PCDHA7: variants seen among roughly 807,000 people sequenced by gnomAD.
PCDHA7 encodes protocadherin alpha-7.
In PCDHA7, 37 loss-of-function variants were observed where a neutral mutation model predicts 57.2. The ratio of observed to expected loss-of-function variants is 0.65; its 90% CI spans 0.50 to 0.85. The LOEUF (loss-of-function observed/expected upper bound fraction) is 0.85, where lower values mean the gene tolerates loss of function less well. PCDHA7 is among the 40% of genes least tolerant of loss of function. The pLI is 0.00. For missense variants in PCDHA7, 1,188 were observed against 1,241.8 expected (o/e 0.96, Z 0.65); for synonymous variants, 553 against 558.8 (o/e 0.99, Z 0.15).
At chr5:140,867,360 T>C (rs1172405251) in intron 1 of PCDHA7, 1 of 152,152 alleles carries the variant, frequency 6.6e-6, no homozygotes, top group Non-Finnish European at 1.5e-5. Flanking sequence ...TTGATTATTT[T>C]ACAGATGCGT....
chr5:140,980,102 C>A (rs782586995), intron 2 of PCDHA7, among the ~76,000 whole-genome samples: 1 of 152,192 alleles, frequency 6.6e-6, no homozygotes, highest in Non-Finnish European at 1.5e-5. Flanking sequence ...GGTAAGATGT[C>A]ACATTGGAAC....
chr5:140,841,832 A>C lies in PCDHA7; in HGVS notation c.2355+5094A>C, dbSNP rs2150323829. The C allele has an allele frequency of 3.7e-6, 6 of 1,613,806 alleles. No homozygotes were observed. The South Asian group carries it at 5.5e-5, about 15-fold the overall frequency. ...TGGAGCTAACTCCGTGTTAACCTAC[A>C]GGCTTAGCTCTCATGATTACTTCAT... is the stretch of plus-strand genomic sequence containing the variant. On this transcript the variant is annotated intron_variant, in intron 1 of 3. Coordinates refer to ENST00000525929, the MANE Select transcript of PCDHA7 (RefSeq NM_018910.3).
intron 1 of PCDHA7, among the ~76,000 whole-genome samples, chr5:140,886,847 A>AT (rs2061191950): frequency 6.6e-6 from 1 of 151,038 alleles, no homozygotes; most frequent in Non-Finnish European, 1.5e-5. Flanking sequence ...AAAAAAAAAA[A>AT]GAAAGGTCTT....
chr5:140,999,854 C>T (rs1459226420), intron 3 of PCDHA7, among the ~76,000 whole-genome samples: 4 of 152,112 alleles, frequency 2.6e-5, no homozygotes, highest in Admixed American at 1.3e-4. Context: ...TTATCTCTTC[C>T]GCTCCAAGAT....
At chr5:140,877,920 C>A in intron 1 of PCDHA7, 1 of 1,422,738 alleles carries the variant, frequency 7.0e-7, no homozygotes, top group Admixed American at 2.9e-5. Flanking sequence ...TCTCATTTTT[C>A]TTTATGATTC....
intron 1 of PCDHA7, chr5:140,968,434 C>T: frequency 6.8e-6 from 11 of 1,613,948 alleles, no homozygotes; most frequent in Non-Finnish European, 8.5e-6. Flanking sequence ...ACAAGGGGAG[C>T]CCACCACTGA....
At chr5:140,881,085 A>G (rs1554171740) in intron 1 of PCDHA7, among the ~76,000 whole-genome samples, 1 of 152,156 alleles carries the variant, frequency 6.6e-6, no homozygotes, top group East Asian at 1.9e-4. Flanking sequence ...GCTATGATAT[A>G]TTTTTCATTA....
chr5:140,875,409 A>C (rs2055459044), intron 1 of PCDHA7: 1 of 1,500,680 alleles, frequency 6.7e-7, no homozygotes, highest in African/African-American at 1.4e-5. Context: ...CTGCTCATAA[A>C]ATACCTCAGG....
At chr5:140,861,531 T>G (rs1219248238) in intron 1 of PCDHA7, 2 of 447,948 alleles carry the variant, frequency 4.5e-6, no homozygotes, top group Non-Finnish European at 9.2e-6. Flanking sequence ...GATCTCGGAG[T>G]GCAGCATCCA....
At chr5:140,843,010 G>A (rs1778474215) in intron 1 of PCDHA7, 2 of 1,595,044 alleles carry the variant, frequency 1.3e-6, no homozygotes, top group Non-Finnish European at 1.7e-6. Context: ...ACAACGCGCC[G>A]GCACTGCTGG....
At chr5:140,852,920 C>T (rs1481418801) in intron 1 of PCDHA7, 1 of 758,850 alleles carries the variant, frequency 1.3e-6, no homozygotes, top group African/African-American at 1.9e-5. Context: ...GCTCTGTTGC[C>T]CAGGCTGGAG....
chr5:141,008,299 C>G (rs1223779122), intron 3 of PCDHA7, among the ~76,000 whole-genome samples: 9 of 152,238 alleles, frequency 5.9e-5, no homozygotes, highest in Non-Finnish European at 1.2e-4. Context: ...TGTACCCAAC[C>G]CTAAACTGTA....
At chr5:140,917,815 G>T (rs554230002) in intron 1 of PCDHA7, among the ~76,000 whole-genome samples, 1 of 152,018 alleles carries the variant, frequency 6.6e-6, no homozygotes, top group South Asian at 2.1e-4. Context: ...TATAGTTGAA[G>T]TTGGGTAGTG....
rs575540619 is a variant in PCDHA7 at position 140,959,917 on chromosome 5, T to A, written c.2356-19032T>A. ...TTTATATCAGAAAAATCAAAGCCATTTGTAAAGCCCCATTACTTAGGCAGA... is the reference window on the plus strand; with the variant it reads ...TTTATATCAGAAAAATCAAAGCCATATGTAAAGCCCCATTACTTAGGCAGA... On this transcript the variant is annotated intron_variant, in intron 1 of 3. Transcript: ENST00000525929. 3.3e-5 allele frequency among the ~76,000 whole-genome samples: 5 copies of A among 152,296 alleles called. No homozygotes were observed. The East Asian group carries it at 9.6e-4, about 29-fold the overall frequency.
At chr5:140,843,026 C>T in intron 1 of PCDHA7, 2 of 1,595,146 alleles carry the variant, frequency 1.3e-6, no homozygotes, top group Non-Finnish European at 1.7e-6. Context: ...GCTGGAGCCT[C>T]GGGTGGGTGG....
At chr5:140,850,839 T>A in intron 1 of PCDHA7, 1 of 1,597,606 alleles carries the variant, frequency 6.3e-7, no homozygotes, top group Non-Finnish European at 8.6e-7. Context: ...TTGTGCTGGA[T>A]CTACAGAGCG....
chr5:140,850,309 C>T lies in PCDHA7; in HGVS notation c.2355+13571C>T, dbSNP rs2150478880. The stretch of plus-strand genomic sequence containing the variant: ...GTGGACGCCGACTCGGGCTACAACG[C>T]GTGGCTTTCATACGAGCTGCAGCCA... On this transcript the variant is annotated intron_variant, in intron 1 of 3. Coordinates refer to ENST00000525929, the MANE Select transcript of PCDHA7 (RefSeq NM_018910.3). 1.7e-5 allele frequency: 27 copies of T among 1,597,088 alleles called. 3 individuals carry two copies. Among genetic ancestry groups the T allele is most frequent in the Non-Finnish European group, 2.3e-5 (27 of 1,167,652 alleles).
At chr5:140,839,108 A>G (rs1047759109) in intron 1 of PCDHA7, among the ~76,000 whole-genome samples, 1 of 151,988 alleles carries the variant, frequency 6.6e-6, no homozygotes, top group Non-Finnish European at 1.5e-5. Context: ...ATTATTTACC[A>G]TTAAGCCATA....
chr5:140,993,528 A>T lies in PCDHA7; in HGVS notation c.2503+10965A>T, dbSNP rs78672098. On this transcript the variant is annotated intron_variant, in intron 3 of 3. Transcript: ENST00000525929. ...CACACACGGGGAGAGAGAGACAGAG[A>T]GAGAGAGAGATAGAGAAGTGAAGTA... Among the ~76,000 whole-genome samples the T allele has an allele frequency of 6.6e-5, 10 of 152,092 alleles. No individual in the cohort carries two copies. In the East Asian group the frequency reaches 1.2e-3, roughly 18 times the overall value.
Sources: gnomAD v4.1 joint callset for allele counts (sites outside exome capture counted in the v4.1 genomes callset) on GRCh38, gnomAD v4.1.1 for gene constraint, MANE v1.5 for transcripts, NCBI Gene and HGNC (gene_info 2026-07-23, HGNC 2026-07-21) for gene names.